CCDC112: variants seen among roughly 807,000 people sequenced by gnomAD.
CCDC112 encodes coiled-coil domain-containing protein 112.
In CCDC112, 40 loss-of-function variants were observed where a neutral mutation model predicts 66.3. That is an observed-to-expected ratio of 0.60 (90% CI 0.47 to 0.79). CCDC112 has a LOEUF of 0.79. CCDC112 is among the 30% of genes least tolerant of loss of function. The pLI, the probability that CCDC112 is intolerant of heterozygous loss-of-function variation, is 0.00. For missense variants in CCDC112, 659 were observed against 603.8 expected (o/e 1.09, Z -0.96); for synonymous variants, 214 against 197.2 (o/e 1.09, Z -0.71).
At chr5:115,293,800 T>C (rs1248879936) in intron 1 of CCDC112, among the ~76,000 whole-genome samples, 1 of 152,204 alleles carries the variant, frequency 6.6e-6, no homozygotes. Flanking sequence ...TGAAGGGTTA[T>C]TTCAGGCAGC....
At chr5:115,274,631 G>A (rs1048278509) in intron 6 of CCDC112, among the ~76,000 whole-genome samples, 1 of 152,158 alleles carries the variant, frequency 6.6e-6, no homozygotes, top group Non-Finnish European at 1.5e-5. Flanking sequence ...ACGGAGGACT[G>A]GACCCATAAT....
Position 115,275,875 on chromosome 5 carries a change from G to A in CCDC112, c.527+119C>T, listed in dbSNP as rs563693035. 179 of 764,170 alleles carry A rather than the reference G, an allele frequency of 2.3e-4. No homozygotes were observed. In the African/African-American group the frequency reaches 2.9e-3, roughly 12 times the overall value. 47.3% of individuals were successfully genotyped at this position (764,170 alleles called of 1,614,324 possible). On this transcript the variant is annotated intron_variant, in intron 5 of 9. Transcript: ENST00000379611. ...CTGAAAACAAAAAAGATATTATATTGCTTTTGTATAAGACTCAAATACATA... is the reference window on the plus strand; with the variant it reads ...CTGAAAACAAAAAAGATATTATATTACTTTTGTATAAGACTCAAATACATA...
chr5:115,296,284 G>T, intron 1 of CCDC112, 143 bp downstream of exon 1: 1 of 1,326,664 alleles, frequency 7.5e-7, no homozygotes, highest in Non-Finnish European at 9.6e-7. Flanking sequence ...AGCCAACAAA[G>T]AGCAACGCCC....
intron 4 of CCDC112, among the ~76,000 whole-genome samples, chr5:115,276,653 A>G (rs563060354): frequency 3.0e-4 from 46 of 152,266 alleles, no homozygotes; most frequent in Admixed American, 5.2e-4. Flanking sequence ...AAACCTTTCT[A>G]TAACATAGAT....
intron 1 of CCDC112, among the ~76,000 whole-genome samples, chr5:115,288,564 T>C (rs1749784731): frequency 6.6e-6 from 1 of 152,162 alleles, no homozygotes; most frequent in Admixed American, 6.5e-5. Context: ...GTGGTTTTTA[T>C]AAGGAAACAA....
At position 115,296,463 on chromosome 5, in the gene CCDC112, G is replaced by T; in HGVS notation, c.81C>A (p.Thr27=). 1.3e-6 allele frequency: 2 copies of T among 1,559,250 alleles called. No homozygotes were observed. The highest frequency in any genetic ancestry group is 1.2e-5 in the South Asian group (1 of 86,748). Residue 27 remains threonine (T), a synonymous_variant, in exon 1 of 10, where the codon ACC becomes ACA. Coordinates refer to ENST00000379611, the MANE Select transcript of CCDC112 (RefSeq NM_001040440.3). ...CTGGCGTCGCTCCCACGCCGGTCCC[G>T]GTGGCCGCGCCCGCCCCTGCCACAG... ...AGAVAGAGAA[T]GTGVGATPAP... is the part of the protein sequence containing the mutation.
chr5:115,288,869 G>C (rs1749799160), intron 1 of CCDC112, among the ~76,000 whole-genome samples: 10 of 152,088 alleles, frequency 6.6e-5, no homozygotes, highest in Admixed American at 6.5e-4. Flanking sequence ...TCTTAAAAAT[G>C]TTCCCTGAGT....
intron 1 of CCDC112, among the ~76,000 whole-genome samples, chr5:115,293,530 C>T (rs901048350): frequency 2.0e-5 from 3 of 151,942 alleles, no homozygotes; most frequent in Non-Finnish European, 4.4e-5. Context: ...AAGAATCCAC[C>T]CCCTTACCTT....
intron 8 of CCDC112, 200 bp downstream of exon 8, chr5:115,269,503 A>C (rs1359997040): frequency 1.9e-6 from 1 of 520,766 alleles, no homozygotes; most frequent in Middle Eastern, 5.2e-4. Context: ...AACGGTGCTC[A>C]TAAGGTAAAA....
chr5:115,284,999 A>G lies in CCDC112; in HGVS notation c.118-91T>C, dbSNP rs573602583. On this transcript the variant is annotated intron_variant, in intron 1 of 9. Coordinates refer to ENST00000379611, the MANE Select transcript of CCDC112 (RefSeq NM_001040440.3). ...CAGAGAGATAAAATGTCAATAGTTG[A>G]GTTTCTTGAAGGATAATTTTGGGGC... The G allele has an allele frequency of 5.0e-5, 60 of 1,196,098 alleles. No homozygotes were observed. The Admixed American group carries it at 8.5e-4, about 17-fold the overall frequency. The allele number at this position is 1,196,098 out of a possible 1,614,324, so 74.1% of individuals were successfully genotyped here. A position where few individuals can be genotyped will look rare whatever the true frequency, so the allele number is the denominator to read the frequency against.
chr5:115,289,830 C>T (rs976623699), intron 1 of CCDC112, among the ~76,000 whole-genome samples: 14 of 152,088 alleles, frequency 9.2e-5, no homozygotes, highest in African/African-American at 2.9e-4. Flanking sequence ...ACCACAAGCA[C>T]ACACCATCAA....
chr5:115,283,245 T>C (rs1749530064), intron 2 of CCDC112, among the ~76,000 whole-genome samples: 1 of 152,108 alleles, frequency 6.6e-6, no homozygotes, highest in Non-Finnish European at 1.5e-5. Flanking sequence ...ATTTTATAAC[T>C]TGTACCCTTT....
At chr5:115,294,259 T>G (rs957039794) in intron 1 of CCDC112, among the ~76,000 whole-genome samples, 1 of 152,222 alleles carries the variant, frequency 6.6e-6, no homozygotes, top group Admixed American at 6.5e-5. Context: ...AAAATTCCTA[T>G]GTAGAAGGCC....
chr5:115,280,840 C>G (rs1440372684), intron 2 of CCDC112, among the ~76,000 whole-genome samples: 1 of 151,956 alleles, frequency 6.6e-6, no homozygotes, highest in Non-Finnish European at 1.5e-5. Flanking sequence ...CATGCCCAGC[C>G]AAAATTAATT....
chr5:115,296,163 G>A, intron 1 of CCDC112: 1 of 1,234,630 alleles, frequency 8.1e-7, no homozygotes, highest in Non-Finnish European at 1.0e-6. Context: ...GTCGCCGACA[G>A]CATATGTTCT....
At chr5:115,295,907 T>C (rs1008666271) in intron 1 of CCDC112, 1 of 985,576 alleles carries the variant, frequency 1.0e-6, no homozygotes, top group Non-Finnish European at 1.2e-6. Flanking sequence ...TGAACAAAGA[T>C]ACCTTGTCCT....
chr5:115,281,340 T>G (rs72813845), intron 2 of CCDC112, among the ~76,000 whole-genome samples: 6,306 of 152,138 alleles, frequency 0.041, 134 homozygotes, highest in South Asian at 0.058. Context: ...AGAGAAAAAT[T>G]TAATATTCAT....
intron 8 of CCDC112, 186 bp downstream of exon 8, chr5:115,269,517 C>CA (rs1400191659): frequency 1.9e-6 from 1 of 530,802 alleles, no homozygotes; most frequent in Non-Finnish European, 3.3e-6. Context: ...GGTAAAATGA[C>CA]AGAATTCAAA....
chr5:115,275,107 T>A (rs1749148251), intron 6 of CCDC112, 109 bp downstream of exon 6: 1 of 852,894 alleles, frequency 1.2e-6, no homozygotes, highest in Admixed American at 2.9e-5. Context: ...CGGGGAACTA[T>A]AAACACACTT....
Sources: gnomAD v4.1 joint callset for allele counts (sites outside exome capture counted in the v4.1 genomes callset) on GRCh38, gnomAD v4.1.1 for gene constraint, MANE v1.5 for transcripts, NCBI Gene and HGNC (gene_info 2026-07-23, HGNC 2026-07-21) for gene names.